SCRN3: variants seen among roughly 807,000 people sequenced by gnomAD.
SCRN3 encodes the protein secernin-3.
Under a neutral mutation model 43.1 loss-of-function variants are expected in SCRN3, and 39 were observed. That is an observed-to-expected ratio of 0.91 (90% CI 0.70 to 1.18). SCRN3 has a LOEUF of 1.18. SCRN3 is among the 50% of genes most tolerant of loss of function. The probability of loss-of-function intolerance (pLI) is 0.00; values close to 1 mark genes in which losing one functional copy is unlikely to be tolerated. For missense variants in SCRN3, 484 were observed against 498.0 expected (o/e 0.97, Z 0.27); for synonymous variants, 147 against 163.1 (o/e 0.90, Z 0.75).
intron 4 of SCRN3, among the ~76,000 whole-genome samples, chr2:174,403,085 T>C (rs891361760): frequency 9.7e-6 from 1 of 103,074 alleles, no homozygotes; most frequent in Non-Finnish European, 2.1e-5. Flanking sequence ...AACTCAGTAG[T>C]AAAAAAAAAA....
intron 5 of SCRN3, among the ~76,000 whole-genome samples, chr2:174,411,697 A>G (rs951835641): frequency 2.6e-5 from 4 of 152,128 alleles, no homozygotes; most frequent in African/African-American, 9.7e-5. Context: ...CAAGGAGGGC[A>G]GTTCATTTGA....
chr2:174,403,413 G>A (rs1559072560), intron 4 of SCRN3, among the ~76,000 whole-genome samples: 1 of 151,996 alleles, frequency 6.6e-6, no homozygotes, highest in African/African-American at 2.4e-5. Context: ...GAACCTGTAC[G>A]CAAGTATAGC....
chr2:174,421,796 C>T (rs575938449), intron 5 of SCRN3, among the ~76,000 whole-genome samples: 10 of 152,090 alleles, frequency 6.6e-5, no homozygotes, highest in Admixed American at 2.6e-4. Flanking sequence ...AAGACCCAGA[C>T]GAACACAGTA....
Position 174,423,781 on chromosome 2 carries a change from T to C in SCRN3, c.918-694T>C, listed in dbSNP as rs1327752826. Among the ~76,000 whole-genome samples the C allele has an allele frequency of 8.3e-4, 102 of 123,580 alleles. 3 individuals are homozygous for C. The highest frequency in any genetic ancestry group is 3.4e-3 in the Admixed American group (41 of 12,130). The allele number at this position is 123,580 out of a possible 152,430, so 81.1% of individuals were successfully genotyped here. A position where few individuals can be genotyped will look rare whatever the true frequency, so the allele number is the denominator to read the frequency against. ...ACCGCACCCGGCCAAGTCTTCCTTT[T>C]TTTTTTTTTTTTTTTTTTTTTTGAC... On this transcript the variant is annotated intron_variant, in intron 6 of 7. Transcript: ENST00000272732.
chr2:174,396,130 T>C, intron 1 of SCRN3: 2 of 941,490 alleles, frequency 2.1e-6, no homozygotes, highest in South Asian at 4.9e-5. Context: ...TCCAACAATA[T>C]GATGTTTCTG....
At chr2:174,424,045 C>T (rs571861288) in intron 6 of SCRN3, among the ~76,000 whole-genome samples, 2 of 152,148 alleles carry the variant, frequency 1.3e-5, no homozygotes, top group South Asian at 4.2e-4. Context: ...CCCACCTTGA[C>T]CTCTGAAAGT....
intron 5 of SCRN3, among the ~76,000 whole-genome samples, chr2:174,418,644 T>G (rs1686194755): frequency 6.6e-6 from 1 of 152,216 alleles, no homozygotes; most frequent in African/African-American, 2.4e-5. Context: ...AGAAAATATT[T>G]TCATAATACC....
chr2:174,413,148 G>C (rs944530757), intron 5 of SCRN3, among the ~76,000 whole-genome samples: 2 of 151,508 alleles, frequency 1.3e-5, no homozygotes, highest in African/African-American at 4.8e-5. Context: ...CTGGGATTAC[G>C]GGCATGAGCC....
rs1266964983 is a variant in SCRN3 at position 174,423,063 on chromosome 2, A to G, written c.917+16A>G. Reference sequence around the variant, plus strand: ...ATCCTGAGAGGTGAAGCCACAAAATACTATAAACCAGCAAGGGGTCAGGGG... The same window carrying G: ...ATCCTGAGAGGTGAAGCCACAAAATGCTATAAACCAGCAAGGGGTCAGGGG... On this transcript the variant is annotated intron_variant, in intron 6 of 7. Transcript: ENST00000272732. 1 of 1,603,696 alleles carries G rather than the reference A, an allele frequency of 6.2e-7. No individual in the cohort carries two copies. Among genetic ancestry groups the G allele is most frequent in the Non-Finnish European group, 8.5e-7 (1 of 1,173,416 alleles).
chr2:174,423,976 A>G (rs183877072), intron 6 of SCRN3, among the ~76,000 whole-genome samples: 3 of 150,914 alleles, frequency 2.0e-5, no homozygotes, highest in Non-Finnish European at 4.4e-5. Flanking sequence ...TTTTGTGGAG[A>G]TGGGGTTCTG....
At chr2:174,404,391 T>A (rs935464933) in intron 5 of SCRN3, 76 bp downstream of exon 5, 2 of 916,230 alleles carry the variant, frequency 2.2e-6, no homozygotes, top group African/African-American at 1.7e-5. Context: ...TGATAACATC[T>A]GTTTTGGGGA....
intron 7 of SCRN3, among the ~76,000 whole-genome samples, chr2:174,426,181 C>A (rs774230508): frequency 1.3e-5 from 2 of 152,056 alleles, no homozygotes; most frequent in Non-Finnish European, 2.9e-5. Flanking sequence ...TTTCAAAAGG[C>A]CTGCCTCACC....
intron 5 of SCRN3, chr2:174,410,002 C>CA (rs1324471628): frequency 6.6e-6 from 1 of 151,552 alleles, no homozygotes; most frequent in African/African-American, 2.4e-5. Context: ...TCGAGCTTCC[C>CA]GGCTGCTTTG....
intron 2 of SCRN3, among the ~76,000 whole-genome samples, chr2:174,399,521 A>G (rs1235294314): frequency 6.6e-6 from 1 of 152,230 alleles, no homozygotes; most frequent in African/African-American, 2.4e-5. Context: ...ATGTTTCAAG[A>G]TATTACAGCT....
In SCRN3 at chr2:174,401,054, A is replaced by C. The variant is rs148383871; in HGVS notation, c.406A>C (p.Lys136Gln). The change falls in exon 4 of 8, where the codon AAA becomes CAA. Residue 136 changes from lysine to glutamine, a missense_variant. Transcript: ENST00000272732. ...CAATGTCATTGTTGACTTACTAGAA[A>C]AATATGGCCAGGGTGGAAATTGCAC... is the stretch of plus-strand genomic sequence containing the variant. ...ALNVIVDLLE[K>Q]YGQGGNCTEG... 2.0e-4 allele frequency: 316 copies of C among 1,613,874 alleles called. 1 individual carries two copies. In the African/African-American group the frequency reaches 3.7e-3, roughly 19 times the overall value.
chr2:174,417,170 C>T (rs1309802398), intron 5 of SCRN3, among the ~76,000 whole-genome samples: 1 of 152,028 alleles, frequency 6.6e-6, no homozygotes, highest in African/African-American at 2.4e-5. Flanking sequence ...ATAGCTAATG[C>T]ATGTGGGGCG....
chr2:174,404,642 T>G (rs1256264058), intron 5 of SCRN3, among the ~76,000 whole-genome samples: 1 of 116,170 alleles, frequency 8.6e-6, no homozygotes, highest in African/African-American at 3.3e-5. Context: ...GAGTGTGATA[T>G]TCCCCTTCCT....
At chr2:174,400,220 T>A in intron 3 of SCRN3, 117 bp downstream of exon 3, 1 of 716,572 alleles carries the variant, frequency 1.4e-6, no homozygotes, top group Non-Finnish European at 2.2e-6. Flanking sequence ...GCAGTTTGTG[T>A]CAAAATGGTT....
intron 7 of SCRN3, among the ~76,000 whole-genome samples, chr2:174,425,116 T>G (rs1253785860): frequency 6.6e-6 from 1 of 152,166 alleles, no homozygotes; most frequent in Non-Finnish European, 1.5e-5. Context: ...AGATTAAAAT[T>G]AATTGAAAGT....
Sources: allele counts gnomAD v4.1 joint callset (sites outside exome capture counted in the v4.1 genomes callset), GRCh38; gene constraint gnomAD v4.1.1; transcripts MANE v1.5; gene names NCBI Gene and HGNC (gene_info 2026-07-23, HGNC 2026-07-21).